NRG3: variants seen among roughly 807,000 people sequenced by gnomAD.
NRG3 encodes the protein neuregulin 3.
Under a neutral mutation model 66.9 loss-of-function variants are expected in NRG3, and 31 were observed. That is an observed-to-expected ratio of 0.46 (90% CI 0.35 to 0.63). The LOEUF (loss-of-function observed/expected upper bound fraction) is 0.63, where lower values mean the gene tolerates loss of function less well. Ranked by LOEUF, NRG3 falls within the 20% of genes least tolerant of loss-of-function variation. The pLI is 0.00. For missense variants in NRG3, 910 were observed against 878.9 expected (o/e 1.04, Z -0.45); for synonymous variants, 393 against 359.4 (o/e 1.09, Z -1.06).
At chr10:82,118,240 A>G (rs1429335387) in intron 1 of NRG3, among the ~76,000 whole-genome samples, 1 of 151,644 alleles carries the variant, frequency 6.6e-6, no homozygotes, top group Non-Finnish European at 1.5e-5. Flanking sequence ...AAACTAAAAA[A>G]TCTATATGTG....
chr10:81,952,860 C>T (rs1359445059), intron 1 of NRG3, among the ~76,000 whole-genome samples: 1 of 152,166 alleles, frequency 6.6e-6, no homozygotes, highest in East Asian at 1.9e-4. Flanking sequence ...ATCCTCCTGA[C>T]TTGGGATTAC....
chr10:82,041,851 T>G (rs1301735998), intron 1 of NRG3, among the ~76,000 whole-genome samples: 1 of 151,718 alleles, frequency 6.6e-6, no homozygotes, highest in Non-Finnish European at 1.5e-5. Flanking sequence ...TAAATGGCAT[T>G]GCATTGCAAT....
At chr10:81,936,844 T>A (rs577835092) in intron 1 of NRG3, among the ~76,000 whole-genome samples, 35 of 152,112 alleles carry the variant, frequency 2.3e-4, no homozygotes, top group Non-Finnish European at 4.7e-4. Context: ...GTTTAAAAAA[T>A]TATTATAAAA....
In NRG3 at chr10:82,358,037, T is replaced by A. The variant is rs547783140; in HGVS notation, c.824-702T>A. ...ATAGATAGCACTTATTTATTGTTATTCTCATATTTGGGATGCAGATATTGA... is the reference window on the plus strand; with the variant it reads ...ATAGATAGCACTTATTTATTGTTATACTCATATTTGGGATGCAGATATTGA... On this transcript the variant is annotated intron_variant, in intron 1 of 8. Transcript: ENST00000372141. 4.7e-4 allele frequency among the ~76,000 whole-genome samples: 71 copies of A among 152,336 alleles called. No individual in the cohort carries two copies. The South Asian group carries it at 0.012, about 25-fold the overall frequency.
At chr10:82,621,718 G>A (rs926322060) in intron 2 of NRG3, among the ~76,000 whole-genome samples, 3 of 152,078 alleles carry the variant, frequency 2.0e-5, no homozygotes, top group Non-Finnish European at 2.9e-5. Flanking sequence ...CTTTTGTGAC[G>A]GAATCAAAGC....
intron 1 of NRG3, among the ~76,000 whole-genome samples, chr10:82,183,426 TG>T (rs2073569995): frequency 6.6e-6 from 1 of 152,054 alleles, no homozygotes; most frequent in Non-Finnish European, 1.5e-5. Context: ...TCAAGTCAGC[TG>T]TTGAACCATT....
chr10:82,228,750 T>G (rs1764090), intron 1 of NRG3, among the ~76,000 whole-genome samples: 15,819 of 152,210 alleles, frequency 0.1, 898 homozygotes, highest in Middle Eastern at 0.18. Context: ...GGCCAAATAC[T>G]GGAAGAAAGG....
chr10:82,302,447 T>A (rs986825038), intron 1 of NRG3, among the ~76,000 whole-genome samples: 1 of 152,132 alleles, frequency 6.6e-6, no homozygotes, highest in Non-Finnish European at 1.5e-5. Context: ...TGAACAATAA[T>A]AGTATACTTT....
chr10:82,179,070 C>T (rs901953825), intron 1 of NRG3, among the ~76,000 whole-genome samples: 6 of 151,948 alleles, frequency 3.9e-5, no homozygotes, highest in African/African-American at 1.4e-4. Flanking sequence ...GCCCTTTGCT[C>T]ATTTCAAATC....
intron 1 of NRG3, among the ~76,000 whole-genome samples, chr10:82,028,598 C>G: frequency 6.6e-6 from 1 of 152,036 alleles, no homozygotes; most frequent in Admixed American, 6.6e-5. Context: ...CTTTGGGCTT[C>G]TCTGACCTGG....
At chr10:82,389,885 A>G (rs1049775696) in intron 2 of NRG3, among the ~76,000 whole-genome samples, 2 of 152,178 alleles carry the variant, frequency 1.3e-5, no homozygotes, top group South Asian at 4.1e-4. Context: ...CTCAATTGTG[A>G]AAGTTAATTC....
chr10:82,083,427 T>C (rs923808883), intron 1 of NRG3, among the ~76,000 whole-genome samples: 6 of 152,108 alleles, frequency 3.9e-5, no homozygotes, highest in African/African-American at 1.2e-4. Flanking sequence ...ATTCCTTGAA[T>C]TACAGATGGC....
At chr10:81,989,448 C>G (rs894190599) in intron 1 of NRG3, among the ~76,000 whole-genome samples, 1 of 151,778 alleles carries the variant, frequency 6.6e-6, no homozygotes, top group Non-Finnish European at 1.5e-5. Context: ...GAAGAAATAG[C>G]AAAGAAACGC....
At chr10:81,915,315 T>G (rs939849314) in intron 1 of NRG3, among the ~76,000 whole-genome samples, 8 of 152,308 alleles carry the variant, frequency 5.3e-5, no homozygotes, top group South Asian at 4.1e-4. Flanking sequence ...TAAAAGCATG[T>G]GCTCTGCTCG....
intron 1 of NRG3, among the ~76,000 whole-genome samples, chr10:81,952,375 T>TTG (rs1337813479): frequency 4.0e-5 from 6 of 151,368 alleles, no homozygotes; most frequent in South Asian, 2.1e-4. Context: ...TGAAGTGTGC[T>TTG]TGTGTGTGTG....
At chr10:82,288,712 C>T (rs1010630773) in intron 1 of NRG3, among the ~76,000 whole-genome samples, 3 of 152,194 alleles carry the variant, frequency 2.0e-5, no homozygotes, top group Non-Finnish European at 4.4e-5. Context: ...TGCAATGACA[C>T]TGACTCAATG....
chr10:81,986,838 C>G (rs915162078), intron 1 of NRG3, among the ~76,000 whole-genome samples: 3 of 152,234 alleles, frequency 2.0e-5, no homozygotes, highest in South Asian at 4.1e-4. Flanking sequence ...CCATTCCCAG[C>G]TAATTTTATT....
chr10:81,893,359 T>C (rs537209969), intron 1 of NRG3, among the ~76,000 whole-genome samples: 13 of 152,142 alleles, frequency 8.5e-5, no homozygotes, highest in Non-Finnish European at 1.8e-4. Context: ...ACATAATGAG[T>C]GTATCTCTTC....
chr10:82,250,190 G>A (rs577761459), intron 1 of NRG3, among the ~76,000 whole-genome samples: 6 of 152,170 alleles, frequency 3.9e-5, no homozygotes, highest in Middle Eastern at 3.4e-3. Context: ...ACTGAAGACA[G>A]GACAACTAAA....
Sources: allele counts gnomAD v4.1 joint callset (sites outside exome capture counted in the v4.1 genomes callset), GRCh38; gene constraint gnomAD v4.1.1; transcripts MANE v1.5; gene names NCBI Gene and HGNC (gene_info 2026-07-23, HGNC 2026-07-21).